The following ABCC11 variants were observed in gnomAD, a reference collection of about 807,000 sequenced individuals.
ABCC11 encodes ATP-binding cassette sub-family C member 11.
A neutral mutation model predicts 149.3 loss-of-function variants in ABCC11; 135 were observed. The observed-to-expected ratio is 0.90, with a 90% CI of 0.79 to 1.04. ABCC11 has a LOEUF of 1.04. Among genes scored for constraint, ABCC11 ranks in the 50% least tolerant of loss-of-function variants. The pLI is 0.00. For synonymous variants in ABCC11, 665 were observed against 671.4 expected, an observed-to-expected ratio of 0.99 and a Z score of 0.15; for missense variants, 1,680 against 1,722.1, an observed-to-expected ratio of 0.98 and a Z score of 0.43.
In ABCC11 at chr16:48,193,936, G is replaced by A. The variant is rs1369240972; in HGVS notation, c.2451C>T (p.Val817=). 6 of 1,614,048 alleles carry A rather than the reference G, an allele frequency of 3.7e-6. No homozygotes were observed. The Admixed American group carries it at 5.0e-5, about 13-fold the overall frequency. ...CIIFFFVVLI[V]FLTIFSFWWL... is the part of the protein sequence containing the mutation. Reference sequence around the variant, plus strand: ...ACCAGAAGCTGAAGATCGTTAAGAAGACGATCAGCACCACGAAGAAGAAAA... The same window carrying A: ...ACCAGAAGCTGAAGATCGTTAAGAAAACGATCAGCACCACGAAGAAGAAAA... Residue 817 remains valine, a synonymous_variant, in exon 19 of 30, where the codon GTC becomes GTT. Transcript: ENST00000356608.
chr16:48,238,679 T>G (rs1970800205), intron 1 of ABCC11, among the ~76,000 whole-genome samples: 2 of 152,094 alleles, frequency 1.3e-5, no homozygotes, highest in South Asian at 4.1e-4. Context: ...GGCTCACGCC[T>G]GTAATCCCAG....
intron 12 of ABCC11, among the ~76,000 whole-genome samples, chr16:48,206,523 T>A (rs1405319073): frequency 2.8e-4 from 43 of 152,228 alleles, no homozygotes; most frequent in Non-Finnish European, 4.4e-5. Flanking sequence ...TCATTCTTAA[T>A]CCTTTCTCTT....
chr16:48,202,957 G>A (rs1286335599), intron 14 of ABCC11, among the ~76,000 whole-genome samples: 2 of 152,162 alleles, frequency 1.3e-5, no homozygotes, highest in African/African-American at 2.4e-5. Context: ...ATCTTGACAG[G>A]GTCTCCGCTC....
chr16:48,187,810 G>A (rs1445431178), intron 20 of ABCC11, among the ~76,000 whole-genome samples: 1 of 152,160 alleles, frequency 6.6e-6, no homozygotes, highest in Non-Finnish European at 1.5e-5. Flanking sequence ...TAGAGAGAGA[G>A]AGAATACATT....
intron 3 of ABCC11, among the ~76,000 whole-genome samples, chr16:48,228,687 A>G (rs1970240876): frequency 6.6e-6 from 1 of 152,206 alleles, no homozygotes; most frequent in African/African-American, 2.4e-5. Context: ...CATTTATATC[A>G]CATTGCTGAT....
At position 48,165,941 on chromosome 16, in the gene ABCC11, G is replaced by C. The variant is rs931153330; in HGVS notation, c.*1333C>G. On this transcript the variant is annotated 3_prime_UTR_variant, in exon 30 of 30. Coordinates refer to ENST00000356608, the MANE Select transcript of ABCC11 (RefSeq NM_001370497.1). ...TTGTCTGTAACCACATGTGGAGGGT[G>C]GGGGAGTGAGAACAAGAAAGAGAGA... The C allele has an allele frequency of 6.6e-6, 1 of 152,204 alleles. No homozygotes were observed. The highest frequency in any genetic ancestry group is 1.5e-5 in the Non-Finnish European group (1 of 68,052). The allele number at this position is 152,204 out of a possible 1,614,324, so 9.4% of individuals were successfully genotyped here.
chr16:48,246,461 T>C (rs1485961633), intron 1 of ABCC11, among the ~76,000 whole-genome samples: 3 of 152,266 alleles, frequency 2.0e-5, no homozygotes, highest in Non-Finnish European at 4.4e-5. Context: ...GCATATGTAT[T>C]GATTAGCCAT....
At chr16:48,218,371 A>T (rs1044638865) in intron 6 of ABCC11, among the ~76,000 whole-genome samples, 2 of 152,210 alleles carry the variant, frequency 1.3e-5, no homozygotes, top group Non-Finnish European at 2.9e-5. Flanking sequence ...CTCATGCCCC[A>T]GACTTGTCAT....
intron 7 of ABCC11, among the ~76,000 whole-genome samples, chr16:48,215,699 T>C (rs1350666702): frequency 6.6e-6 from 1 of 152,226 alleles, no homozygotes; most frequent in Non-Finnish European, 1.5e-5. Flanking sequence ...ATTTCTGTTT[T>C]CTCAATTTTA....
At position 48,244,532 on chromosome 16, in the gene ABCC11, G is replaced by A. The variant is rs750089460; in HGVS notation, c.-19+2782C>T. 4.4e-6 allele frequency: 7 copies of A among 1,575,734 alleles called. No homozygotes were observed. The South Asian group carries it at 4.6e-5, about 10-fold the overall frequency. ...AGCTGGTGCGGAGCCGCCTTCTGAA[G>A]GGCACGTCGCTGCAAAGCACCATCC... On this transcript the variant is annotated intron_variant, in intron 1 of 29. Transcript: ENST00000356608.
chr16:48,244,358 T>C, intron 1 of ABCC11: 2 of 1,484,188 alleles, frequency 1.3e-6, no homozygotes, highest in Non-Finnish European at 1.8e-6. Context: ...CTGGCTCTTT[T>C]TGACAGCCCC....
rs1965965731 is a variant in ABCC11 at position 48,175,163 on chromosome 16, G to A, written c.3698+95C>T. 4 of 1,470,600 alleles carry A rather than the reference G, an allele frequency of 2.7e-6. No individual in the cohort carries two copies. In the Admixed American group the frequency reaches 6.4e-5, roughly 23 times the overall value. The allele number at this position is 1,470,600 out of a possible 1,614,324, so 91.1% of individuals were successfully genotyped here. ...GCAGGCCAAGGAGGCCTGGAAATCG[G>A]GGCATTGGTCACCAGCTCACTATAG... On this transcript the variant is annotated intron_variant, in intron 26 of 29. Coordinates refer to ENST00000356608, the MANE Select transcript of ABCC11 (RefSeq NM_001370497.1).
At chr16:48,244,733 G>A in intron 1 of ABCC11, 1 of 728,186 alleles carries the variant, frequency 1.4e-6, no homozygotes, top group Non-Finnish European at 2.0e-6. Flanking sequence ...CGGCCTTCGC[G>A]GCTCGGTTCC....
intron 1 of ABCC11, among the ~76,000 whole-genome samples, chr16:48,232,927 T>A (rs746826826): frequency 2.6e-5 from 4 of 152,208 alleles, no homozygotes; most frequent in Admixed American, 1.3e-4. Flanking sequence ...AGGCTGGGTA[T>A]GATGGCATGC....
At chr16:48,232,958 G>T (rs951398516) in intron 1 of ABCC11, among the ~76,000 whole-genome samples, 3 of 152,168 alleles carry the variant, frequency 2.0e-5, no homozygotes, top group Admixed American at 6.5e-5. Context: ...CTAGCACTTT[G>T]GGAGGCTGAG....
chr16:48,207,212 G>A (rs1201439938), intron 12 of ABCC11, among the ~76,000 whole-genome samples: 3 of 152,198 alleles, frequency 2.0e-5, no homozygotes, highest in African/African-American at 7.2e-5. Context: ...CAGCCCAGGA[G>A]GGGGTGAGGT....
chr16:48,177,869 G>A (rs568444729), intron 24 of ABCC11, among the ~76,000 whole-genome samples: 12 of 152,216 alleles, frequency 7.9e-5, no homozygotes, highest in Non-Finnish European at 1.6e-4. Flanking sequence ...CCCAGCCTGT[G>A]TGATCTTAAG....
At chr16:48,206,603 G>A (rs928438655) in intron 12 of ABCC11, among the ~76,000 whole-genome samples, 1 of 152,154 alleles carries the variant, frequency 6.6e-6, no homozygotes, top group Admixed American at 6.5e-5. Context: ...CTTTAAAATG[G>A]CATCTCTGTC....
intron 26 of ABCC11, among the ~76,000 whole-genome samples, chr16:48,174,099 A>C (rs1965885198): frequency 6.6e-6 from 1 of 152,188 alleles, no homozygotes; most frequent in African/African-American, 2.4e-5. Context: ...GACTCATCCC[A>C]GTCGTAGCTC....
Sources: allele counts gnomAD v4.1 joint callset (sites outside exome capture counted in the v4.1 genomes callset), GRCh38; gene constraint gnomAD v4.1.1; transcripts MANE v1.5; gene names NCBI Gene and HGNC (gene_info 2026-07-23, HGNC 2026-07-21).